PXDNL: variants seen among roughly 807,000 people sequenced by gnomAD.
PXDNL encodes the protein peroxidasin like, also known as probable oxidoreductase PXDNL.
In PXDNL, 145 loss-of-function variants were observed where a neutral mutation model predicts 150.8. That is an observed-to-expected ratio of 0.96 (90% CI 0.84 to 1.10). The LOEUF (loss-of-function observed/expected upper bound fraction) is 1.10, where lower values mean the gene tolerates loss of function less well. PXDNL is among the 50% of genes least tolerant of loss of function. The probability of loss-of-function intolerance (pLI) is 0.00; values close to 1 mark genes in which losing one functional copy is unlikely to be tolerated. For synonymous variants in PXDNL, 757 were observed against 725.7 expected (o/e 1.04, Z -0.69); for missense variants, 2,087 against 1,873.9 (o/e 1.11, Z -2.10).
intron 4 of PXDNL, among the ~76,000 whole-genome samples, chr8:51,522,759 G>T (rs551902420): frequency 1.3e-5 from 2 of 152,010 alleles, no homozygotes; most frequent in African/African-American, 4.8e-5. Flanking sequence ...CAGGAGAATC[G>T]CTTGAACTCA....
intron 1 of PXDNL, among the ~76,000 whole-genome samples, chr8:51,694,100 A>G (rs1563509052): frequency 6.6e-6 from 1 of 152,184 alleles, no homozygotes; most frequent in Non-Finnish European, 1.5e-5. Context: ...TATCCTGCGG[A>G]AAAATGCTTC....
chr8:51,462,072 G>C (rs990955896), intron 8 of PXDNL, among the ~76,000 whole-genome samples: 1 of 152,136 alleles, frequency 6.6e-6, no homozygotes, highest in Non-Finnish European at 1.5e-5. Flanking sequence ...AAAGCACACA[G>C]AAGCAAAGTC....
intron 1 of PXDNL, among the ~76,000 whole-genome samples, chr8:51,676,974 A>C (rs181259184): frequency 2.0e-5 from 3 of 152,306 alleles, no homozygotes; most frequent in Non-Finnish European, 4.4e-5. Context: ...ACGAAGAAAA[A>C]CGAACCAGAG....
At chr8:51,636,801 CT>C (rs35542860) in intron 2 of PXDNL, among the ~76,000 whole-genome samples, 29,466 of 146,652 alleles carry the variant, frequency 0.2, 2,918 homozygotes, top group Non-Finnish European at 0.22. Flanking sequence ...TTTCCAATGA[CT>C]TTTTTTTTTT....
Position 51,453,643 on chromosome 8 carries a change from C to T in PXDNL, c.1125G>A (p.Arg375=). The T allele has an allele frequency of 6.2e-7, 1 of 1,614,022 alleles. No homozygotes were observed. Residue 375 remains arginine, a synonymous_variant, in exon 10 of 23, where the codon AGG becomes AGA. Coordinates refer to ENST00000356297, the MANE Select transcript of PXDNL (RefSeq NM_144651.5). The stretch of plus-strand genomic sequence containing the variant: ...AAAGTCCACTGGACGTTGCCACGTG[C>T]CTGGATCCATCCAGCTCCAATCCAT... ...RDNGLELDGS[R]HVATSSGLYL... is the part of the protein sequence containing the mutation.
chr8:51,391,679 T>C (rs928782788), intron 17 of PXDNL, among the ~76,000 whole-genome samples: 12 of 152,170 alleles, frequency 7.9e-5, no homozygotes, highest in African/African-American at 2.9e-4. Context: ...TTTCTCCCAT[T>C]TTGTATGTTG....
At chr8:51,354,483 A>T (rs956076861) in intron 19 of PXDNL, among the ~76,000 whole-genome samples, 3 of 152,082 alleles carry the variant, frequency 2.0e-5, no homozygotes, top group African/African-American at 7.2e-5. Flanking sequence ...GCTTAAATTG[A>T]TGTTAAAATG....
chr8:51,557,816 C>T (rs1256831627), intron 3 of PXDNL, among the ~76,000 whole-genome samples: 2 of 152,094 alleles, frequency 1.3e-5, no homozygotes, highest in African/African-American at 2.4e-5. Context: ...CACAGTTCTG[C>T]CTAAAAATAA....
chr8:51,605,308 T>A (rs1167858094), intron 2 of PXDNL, among the ~76,000 whole-genome samples: 1 of 152,104 alleles, frequency 6.6e-6, no homozygotes, highest in African/African-American at 2.4e-5. Flanking sequence ...TGCTGAAATA[T>A]AAAAGAGGTC....
intron 14 of PXDNL, among the ~76,000 whole-genome samples, chr8:51,415,313 A>C (rs1034401410): frequency 1.3e-5 from 2 of 152,188 alleles, no homozygotes; most frequent in Non-Finnish European, 2.9e-5. Flanking sequence ...TTACAAAGAA[A>C]AGAGGTTTAA....
intron 1 of PXDNL, among the ~76,000 whole-genome samples, chr8:51,697,042 A>G (rs956890618): frequency 1.3e-5 from 2 of 152,150 alleles, no homozygotes; most frequent in Non-Finnish European, 1.5e-5. Flanking sequence ...AGTGGCTCAC[A>G]CCTGTAATCC....
chr8:51,374,897 C>A (rs17177764), intron 17 of PXDNL, among the ~76,000 whole-genome samples, 166 bp from the exon 18 acceptor site: 91 of 152,280 alleles, frequency 6.0e-4, no homozygotes, highest in Middle Eastern at 3.4e-3. Flanking sequence ...AATGAAGGAA[C>A]CCTCAGGGAT....
chr8:51,453,856 TG>T, intron 9 of PXDNL, 71 bp from the exon 10 acceptor site: 1 of 1,514,742 alleles, frequency 6.6e-7, no homozygotes. Flanking sequence ...TTCTGCATTG[TG>T]GTTTTAAGAT....
rs114269781 is a variant in PXDNL, at chr8:51,685,230, C to T, written c.165-30470G>A. 5.8e-3 allele frequency among the ~76,000 whole-genome samples: 880 copies of T among 151,994 alleles called. 13 individuals carry two copies. The highest frequency in any genetic ancestry group is 0.02 in the African/African-American group (839 of 41,460). ...GTAGAATGCAGGTGAGTTCTGGGCT[C>T]AGATCATTATGCACAGTTTTTCACC... is the stretch of plus-strand genomic sequence containing the variant. On this transcript the variant is annotated intron_variant, in intron 1 of 22. Transcript: ENST00000356297.
chr8:51,486,296 T>C (rs564111764), intron 5 of PXDNL, among the ~76,000 whole-genome samples: 19 of 152,320 alleles, frequency 1.2e-4, no homozygotes, highest in African/African-American at 3.6e-4. Flanking sequence ...TCTTGAATTT[T>C]TTTAATTTTG....
intron 1 of PXDNL, among the ~76,000 whole-genome samples, chr8:51,736,317 C>T (rs1817037700): frequency 6.6e-6 from 1 of 152,142 alleles, no homozygotes; most frequent in Non-Finnish European, 1.5e-5. Context: ...GAATGTGAAC[C>T]TCTTTAAATT....
chr8:51,490,727 AGTGTGTGTGTGTGTGTGT>A (rs35415972), intron 5 of PXDNL, among the ~76,000 whole-genome samples: 2 of 147,232 alleles, frequency 1.4e-5, no homozygotes, highest in East Asian at 2.0e-4. Context: ...TTGACTTTCT[AGTGTGTGTGTGTGTGTGT>A]GTGTGTGTGT....
rs1183487397 is a variant in PXDNL, at chr8:51,423,593, T to G, written c.1777A>C (p.Met593Leu). Residue 593 changes from methionine to leucine, a missense_variant, in exon 14 of 23, where the codon ATG (methionine) becomes CTG (leucine). Physicochemically the swap from Met to Leu is conservative, Grantham distance 15. Coordinates refer to ENST00000356297, the MANE Select transcript of PXDNL (RefSeq NM_144651.5). ...RNSFGLAVTNMFLTVTAIQGR... is the reference protein window; with the variant it reads ...RNSFGLAVTNLFLTVTAIQGR... The stretch of plus-strand genomic sequence containing the variant: ...CACCTACCCGTGACTGTAAGAAACA[T>G]GTTGGTCACAGCAAGGCCAAAAGAA... 6.8e-6 allele frequency: 11 copies of G among 1,613,666 alleles called. No individual in the cohort carries two copies. Among genetic ancestry groups the G allele is most frequent in the South Asian group, 1.1e-5 (1 of 91,072 alleles).
chr8:51,615,160 G>C (rs1286029584), intron 2 of PXDNL, among the ~76,000 whole-genome samples: 1 of 152,064 alleles, frequency 6.6e-6, no homozygotes, highest in East Asian at 1.9e-4. Flanking sequence ...ATTTCCACTA[G>C]CAGTACAACA....
Sources: gnomAD v4.1 joint callset for allele counts (sites outside exome capture counted in the v4.1 genomes callset) on GRCh38, gnomAD v4.1.1 for gene constraint, MANE v1.5 for transcripts, NCBI Gene and HGNC (gene_info 2026-07-23, HGNC 2026-07-21) for gene names.